BRIP1: variants seen among roughly 807,000 people sequenced by gnomAD.
BRIP1 encodes the protein BRCA1 interacting DNA helicase 1.
BRIP1 carries 88 observed loss-of-function variants against 119.7 expected under a neutral mutation model. That is an observed-to-expected ratio of 0.74 (90% CI 0.62 to 0.88). The LOEUF is 0.88. Ranked by LOEUF, BRIP1 falls within the 40% of genes least tolerant of loss-of-function variation. The pLI, the probability that BRIP1 is intolerant of heterozygous loss-of-function variation, is 0.00. For missense variants in BRIP1, 1,259 were observed against 1,455.4 expected (o/e 0.87, Z 2.20); for synonymous variants, 443 against 496.5 (o/e 0.89, Z 1.43).
rs1026545895 is a variant in BRIP1 at position 61,845,003 on chromosome 17, C to T, written c.627+2098G>A. Among the ~76,000 whole-genome samples, 7 of 152,100 alleles carry T rather than the reference C, an allele frequency of 4.6e-5. No homozygotes were observed. Among genetic ancestry groups the T allele is most frequent in the Admixed American group, 3.3e-4 (5 of 15,272 alleles). ...TGCTATTCTAGGCATGAGGGACACA[C>T]ATGAAAAAGACTGACATTACATCGT... On this transcript the variant is annotated intron_variant, in intron 6 of 19. Coordinates refer to ENST00000259008, the MANE Select transcript of BRIP1 (RefSeq NM_032043.3). The surrounding 1 kb of genome is among the most constrained non-coding windows in gnomAD (Gnocchi z 4.2).
chr17:61,808,848 G>C lies in BRIP1; in HGVS notation c.628-91C>G. Reference sequence around the variant, plus strand: ...CATGGAATCAGAACCTGTAAGTAATGAATCACAATGGTCAAATAAAGAGAA... The same window carrying C: ...CATGGAATCAGAACCTGTAAGTAATCAATCACAATGGTCAAATAAAGAGAA... On this transcript the variant is annotated intron_variant, in intron 6 of 19. Coordinates refer to ENST00000259008, the MANE Select transcript of BRIP1 (RefSeq NM_032043.3). This position sits in a 1 kb window ranked among gnomAD's most constrained non-coding sequence, Gnocchi z 4.1. 3 of 1,246,802 alleles carry C rather than the reference G, an allele frequency of 2.4e-6. No homozygotes were observed. The highest frequency in any genetic ancestry group is 2.3e-6 in the Non-Finnish European group (2 of 874,066). 77.2% of individuals were successfully genotyped at this position (1,246,802 alleles called of 1,614,324 possible).
rs543353510 is a variant in BRIP1 at position 61,686,473 on chromosome 17, T to A, written c.2576-308A>T. ...TAACTGGTGAACATGGCAAATTTAA[T>A]TTCATCATAATTCCCCACAAAAATT... On this transcript the variant is annotated intron_variant, in intron 18 of 19. Coordinates refer to ENST00000259008, the MANE Select transcript of BRIP1 (RefSeq NM_032043.3). The surrounding 1 kb of genome is among the most constrained non-coding windows in gnomAD (Gnocchi z 5.4). Among the ~76,000 whole-genome samples the A allele has an allele frequency of 6.6e-6, 1 of 152,048 alleles. No homozygotes were observed. Among genetic ancestry groups the A allele is most frequent in the African/African-American group, 2.4e-5 (1 of 41,500 alleles).
chr17:61,685,568 C>A, intron 19 of BRIP1: 1 of 477,528 alleles, frequency 2.1e-6, no homozygotes, highest in Non-Finnish European at 3.7e-6. Context: ...TTTCCTATTA[C>A]GACTCAAAAA....
intron 9 of BRIP1, among the ~76,000 whole-genome samples, chr17:61,797,368 C>G (rs142649423): frequency 6.6e-6 from 1 of 151,834 alleles, no homozygotes; most frequent in Non-Finnish European, 1.5e-5. Context: ...GACAAAAATG[C>G]TTTTCAAAGA....
intron 6 of BRIP1, among the ~76,000 whole-genome samples, chr17:61,818,197 GGA>G (rs1465826784): frequency 4.0e-5 from 6 of 150,884 alleles, no homozygotes; most frequent in African/African-American, 1.5e-4. Flanking sequence ...TAAAAAGGGG[GGA>G]GGGGGGGGAA....
chr17:61,808,188 T>C lies in BRIP1; in HGVS notation c.918+279A>G, dbSNP rs2145406935. Among the ~76,000 whole-genome samples, 1 of 152,286 alleles carries C rather than the reference T, an allele frequency of 6.6e-6. No individual in the cohort carries two copies. Among genetic ancestry groups the C allele is most frequent in the Middle Eastern group, 3.4e-3 (1 of 294 alleles). On this transcript the variant is annotated intron_variant, in intron 7 of 19. Coordinates refer to ENST00000259008, the MANE Select transcript of BRIP1 (RefSeq NM_032043.3). The surrounding 1 kb of genome is among the most constrained non-coding windows in gnomAD (Gnocchi z 4.1). ...TGATATCATCCAAGTTTGACTATTT[T>C]TGGTAGCAGGATTTAAAAGAAGAAA...
chr17:61,829,997 A>C (rs1443292997), intron 6 of BRIP1, among the ~76,000 whole-genome samples: 1 of 151,500 alleles, frequency 6.6e-6, no homozygotes, highest in African/African-American at 2.4e-5. Flanking sequence ...CAATGGCACG[A>C]TCTCAGCTCA....
chr17:61,712,312 C>T (rs1410766430), intron 17 of BRIP1, among the ~76,000 whole-genome samples: 1 of 152,074 alleles, frequency 6.6e-6, no homozygotes, highest in Non-Finnish European at 1.5e-5. Context: ...CTACCAGGTT[C>T]AAGCAATTCT....
rs1219179845 is a variant in BRIP1, at chr17:61,689,380, A to G, written c.2576-3215T>C. Among the ~76,000 whole-genome samples the G allele has an allele frequency of 6.6e-6, 1 of 152,152 alleles. No homozygotes were observed. Among genetic ancestry groups the G allele is most frequent in the African/African-American group, 2.4e-5 (1 of 41,416 alleles). ...TCAGGGAAGCAAAAAGTAAAAAACA[A>G]AATGGAAAAAAAAAAGTGAAGGCTT... On this transcript the variant is annotated intron_variant, in intron 18 of 19. Transcript: ENST00000259008. This position sits in a 1 kb window ranked among gnomAD's most constrained non-coding sequence, Gnocchi z 4.5.
rs1180344575 is a variant in BRIP1 at position 61,803,819 on chromosome 17, A to G, written c.919-2345T>C. ...AACTACCAAAATTTAAAATTTTACC[A>G]TTAATGTGAATAGATGTACCCTGTA... On this transcript the variant is annotated intron_variant, in intron 7 of 19. Coordinates refer to ENST00000259008, the MANE Select transcript of BRIP1 (RefSeq NM_032043.3). The surrounding 1 kb of genome is among the most constrained non-coding windows in gnomAD (Gnocchi z 4.3). Among the ~76,000 whole-genome samples, 1 of 152,148 alleles carries G rather than the reference A, an allele frequency of 6.6e-6. No homozygotes were observed. Among genetic ancestry groups the G allele is most frequent in the Non-Finnish European group, 1.5e-5 (1 of 68,018 alleles).
At chr17:61,777,308 A>T (rs1268907299) in intron 13 of BRIP1, among the ~76,000 whole-genome samples, 1 of 152,224 alleles carries the variant, frequency 6.6e-6, no homozygotes, top group Non-Finnish European at 1.5e-5. Flanking sequence ...ACAGCAATCA[A>T]CACAGAAAAC....
In BRIP1 at chr17:61,774,481, T is replaced by C. The variant is rs572157225; in HGVS notation, c.2097+1920A>G. On this transcript the variant is annotated intron_variant, in intron 14 of 19. Transcript: ENST00000259008. This position sits in a 1 kb window ranked among gnomAD's most constrained non-coding sequence, Gnocchi z 5.8. ...GGATAGCATTAGGAGAAATACCTAATGTAAATGACGAGTTGATGGGTGCAG... is the reference window on the plus strand; with the variant it reads ...GGATAGCATTAGGAGAAATACCTAACGTAAATGACGAGTTGATGGGTGCAG... Among the ~76,000 whole-genome samples, 1 of 152,284 alleles carries C rather than the reference T, an allele frequency of 6.6e-6. No homozygotes were observed. The highest frequency in any genetic ancestry group is 2.4e-5 in the African/African-American group (1 of 41,558).
Position 61,841,061 on chromosome 17 carries a change from C to T in BRIP1, c.627+6040G>A, listed in dbSNP as rs951239457. On this transcript the variant is annotated intron_variant, in intron 6 of 19. Coordinates refer to ENST00000259008, the MANE Select transcript of BRIP1 (RefSeq NM_032043.3). The surrounding 1 kb of genome is among the most constrained non-coding windows in gnomAD (Gnocchi z 4.1). ...AGATCCCTCTCACCATCTACAAAAA[C>T]CAACTCAAAATAGATTAAAGACTTA... Among the ~76,000 whole-genome samples the T allele has an allele frequency of 2.6e-5, 4 of 152,080 alleles. No homozygotes were observed. The highest frequency in any genetic ancestry group is 9.7e-5 in the African/African-American group (4 of 41,432).
At chr17:61,765,419 A>T (rs1376185491) in intron 14 of BRIP1, among the ~76,000 whole-genome samples, 185 of 10,138 alleles carry the variant, frequency 0.018, 14 homozygotes, top group Admixed American at 0.021. Context: ...ATATATATAT[A>T]TATATTTTTT....
intron 10 of BRIP1, among the ~76,000 whole-genome samples, chr17:61,791,350 A>G (rs1451208955): frequency 6.6e-6 from 1 of 151,662 alleles, no homozygotes; most frequent in African/African-American, 2.4e-5. Context: ...TTAGCCGGGC[A>G]TGGTGGGGCA....
At chr17:61,692,610 T>G (rs1236246329) in intron 18 of BRIP1, among the ~76,000 whole-genome samples, 4 of 152,206 alleles carry the variant, frequency 2.6e-5, no homozygotes, top group Non-Finnish European at 5.9e-5. Flanking sequence ...GAAAAGATGC[T>G]TAACATCCCT....
At chr17:61,801,190 T>C in intron 8 of BRIP1, 63 bp downstream of exon 8, 2 of 1,472,180 alleles carry the variant, frequency 1.4e-6, no homozygotes, top group South Asian at 2.3e-5. Flanking sequence ...TAAAAGCTTT[T>C]ACATTCAACA....
At chr17:61,723,490 A>G (rs1002977269) in intron 16 of BRIP1, among the ~76,000 whole-genome samples, 1 of 152,202 alleles carries the variant, frequency 6.6e-6, no homozygotes, top group African/African-American at 2.4e-5. Context: ...ACATTACCTT[A>G]TAATCTAACA....
Position 61,816,490 on chromosome 17 carries a change from T to A in BRIP1, c.628-7733A>T, listed in dbSNP as rs2078238933. On this transcript the variant is annotated intron_variant, in intron 6 of 19. Coordinates refer to ENST00000259008, the MANE Select transcript of BRIP1 (RefSeq NM_032043.3). This position sits in a 1 kb window ranked among gnomAD's most constrained non-coding sequence, Gnocchi z 5.0. Reference sequence around the variant, plus strand: ...TGTTACCCTACTCTCCACTTACTGTTTACTTTCTTGCCTAGTGTAAATGGG... The same window carrying A: ...TGTTACCCTACTCTCCACTTACTGTATACTTTCTTGCCTAGTGTAAATGGG... Among the ~76,000 whole-genome samples, 1 of 152,212 alleles carries A rather than the reference T, an allele frequency of 6.6e-6. No individual in the cohort carries two copies. Among genetic ancestry groups the A allele is most frequent in the Non-Finnish European group, 1.5e-5 (1 of 68,024 alleles).
Sources: gnomAD v4.1 joint callset for allele counts (sites outside exome capture counted in the v4.1 genomes callset) on GRCh38, gnomAD v4.1.1 for gene constraint, Gnocchi (gnomAD v3.1) non-coding constraint, MANE v1.5 for transcripts, NCBI Gene and HGNC (gene_info 2026-07-23, HGNC 2026-07-21) for gene names.